Variants in IGSF5 observed in about 807,000 individuals in gnomAD.
The protein encoded by IGSF5 is immunoglobulin superfamily 5 like.
IGSF5 carries 41 observed loss-of-function variants against 39.4 expected under a neutral mutation model. The ratio of observed to expected loss-of-function variants is 1.04; its 90% confidence interval spans 0.81 to 1.35. The LOEUF is 1.35. IGSF5 is among the 40% of genes most tolerant of loss of function. IGSF5 has a pLI of 0.00. For missense variants in IGSF5, 487 were observed against 494.6 expected (o/e 0.98, Z 0.15); for synonymous variants, 183 against 175.3 (o/e 1.04, Z -0.34).
chr21:39,778,962 T>G (rs1352288570), intron 4 of IGSF5, 128 bp from the exon 5 acceptor site: 3 of 1,080,918 alleles, frequency 2.8e-6, no homozygotes, highest in Non-Finnish European at 1.3e-6. Context: ...ACTTGGCCTA[T>G]GACGCCTAGC....
At chr21:39,782,707 T>C (rs1293518619) in intron 5 of IGSF5, among the ~76,000 whole-genome samples, 1 of 152,202 alleles carries the variant, frequency 6.6e-6, no homozygotes, top group African/African-American at 2.4e-5. Context: ...ATCTCAAACA[T>C]TTATCATTTC....
Position 39,779,218 on chromosome 21 carries a change from C to A in IGSF5, c.847C>A (p.Leu283Ile). 1 of 1,614,130 alleles carries A rather than the reference C, an allele frequency of 6.2e-7. No individual in the cohort carries two copies. Among genetic ancestry groups the A allele is most frequent in the East Asian group, 2.2e-5 (1 of 44,876 alleles). The change falls in exon 5 of 9, where the codon CTT becomes ATT. Residue 283 changes from leucine (L) to isoleucine (I), a missense_variant. Coordinates refer to ENST00000380588, the MANE Select transcript of IGSF5 (RefSeq NM_001080444.2). ...CATGCTTCTGACGCCGACGTGTACT[C>A]TTACAATACGCTGCTGCTGCTGCCG... is the stretch of plus-strand genomic sequence containing the variant. ...GTMLLTPTCT[L>I]TIRCCCCRRR...
chr21:39,739,916 T>A, the IGSF5 span, among the ~76,000 whole-genome samples: 20,321 of 152,198 alleles, frequency 0.13, 1,412 homozygotes, highest in Middle Eastern at 0.2. Flanking sequence ...GATACTTCTT[T>A]GGCACACTTT....
rs1341926780 is a variant in IGSF5, at chr21:39,746,260, C to T, written c.62C>T (p.Ala21Val). 25 of 701,460 alleles carry T rather than the reference C, an allele frequency of 3.6e-5. No individual in the cohort carries two copies. The highest frequency in any genetic ancestry group is 5.5e-5 in the Non-Finnish European group (21 of 384,724). The allele number at this position is 701,460 out of a possible 1,614,324, so 43.5% of individuals were successfully genotyped here. A position where few individuals can be genotyped will look rare whatever the true frequency, so the allele number is the denominator to read the frequency against. ...CCGGATCTGGAGGAATGGAAGTCAG[C>T]GGCGGGTCTGCGATGGTGGCAAACA... is the stretch of plus-strand genomic sequence containing the variant. ...TLPDLEEWKS[A>V]AGLRWWQTAV... is the part of the protein sequence containing the mutation. Residue 21 changes from alanine (A) to valine (V), a missense_variant, in exon 2 of 9, where the codon GCG becomes GTG. By Grantham distance (64) the Ala-to-Val change is moderately conservative. Transcript: ENST00000380588.
chr21:39,716,959 C>A, the IGSF5 span, among the ~76,000 whole-genome samples: 1 of 152,188 alleles, frequency 6.6e-6, no homozygotes, highest in Admixed American at 6.5e-5. Context: ...ATTTACACTC[C>A]CACTAACAGT....
intron 4 of IGSF5, 147 bp from the exon 5 acceptor site, chr21:39,778,943 T>C (rs1569255595): frequency 2.4e-6 from 2 of 830,894 alleles, no homozygotes; most frequent in East Asian, 5.3e-5. Flanking sequence ...ATTAAACACA[T>C]TGAAAGAAAC....
intron 6 of IGSF5, among the ~76,000 whole-genome samples, 200 bp downstream of exon 6, chr21:39,788,388 A>T (rs979213034): frequency 1.3e-5 from 2 of 152,214 alleles, no homozygotes; most frequent in Non-Finnish European, 2.9e-5. Flanking sequence ...GGGATGAAAC[A>T]GATGGGTTGC....
intron 4 of IGSF5, among the ~76,000 whole-genome samples, chr21:39,777,894 T>C (rs2080148972): frequency 6.6e-6 from 1 of 152,178 alleles, no homozygotes; most frequent in Admixed American, 6.5e-5. Context: ...TGAACTCCAG[T>C]CTGTGGTTCC....
At chr21:39,782,424 A>G (rs1325805407) in intron 5 of IGSF5, among the ~76,000 whole-genome samples, 2 of 152,192 alleles carry the variant, frequency 1.3e-5, no homozygotes, top group Non-Finnish European at 2.9e-5. Flanking sequence ...AAATACATTT[A>G]CACTTTTATG....
chr21:39,767,128 T>G (rs1051470634), intron 3 of IGSF5, among the ~76,000 whole-genome samples: 1 of 152,322 alleles, frequency 6.6e-6, no homozygotes. Context: ...ACCAGATTCT[T>G]ATTATGATAA....
chr21:39,752,989 A>T (rs538785667), intron 2 of IGSF5, among the ~76,000 whole-genome samples: 1 of 152,228 alleles, frequency 6.6e-6, no homozygotes, highest in South Asian at 2.1e-4. Flanking sequence ...TGCTGTGCAG[A>T]AGCTTTTTAG....
At chr21:39,793,764 A>G (rs992120405) in intron 8 of IGSF5, 151 bp downstream of exon 8, 1 of 656,082 alleles carries the variant, frequency 1.5e-6, no homozygotes, top group Non-Finnish European at 2.7e-6. Flanking sequence ...GTCAGCATGG[A>G]GAGATGGGGC....
chr21:39,760,892 T>C (rs945444677), intron 2 of IGSF5, among the ~76,000 whole-genome samples: 1 of 152,112 alleles, frequency 6.6e-6, no homozygotes, highest in African/African-American at 2.4e-5. Context: ...AATATGATAA[T>C]GTTAAGGATT....
chr21:39,770,105 CA>C (rs2080106655), intron 3 of IGSF5, among the ~76,000 whole-genome samples: 1 of 152,048 alleles, frequency 6.6e-6, no homozygotes, highest in Non-Finnish European at 1.5e-5. Context: ...TTGTGTAGTC[CA>C]GAGTTTCAGC....
intron 2 of IGSF5, among the ~76,000 whole-genome samples, chr21:39,761,698 T>C (rs962742484): frequency 6.6e-6 from 1 of 152,206 alleles, no homozygotes; most frequent in African/African-American, 2.4e-5. Flanking sequence ...AGACAGAGTC[T>C]TGCTCTGTCG....
intron 5 of IGSF5, among the ~76,000 whole-genome samples, chr21:39,785,347 G>C (rs1199382469): frequency 6.6e-6 from 1 of 152,144 alleles, no homozygotes; most frequent in Non-Finnish European, 1.5e-5. Flanking sequence ...TGTCAGGTTT[G>C]TCAAAGATCA....
chr21:39,784,766 T>G (rs1484894074), intron 5 of IGSF5, among the ~76,000 whole-genome samples: 1 of 152,202 alleles, frequency 6.6e-6, no homozygotes, highest in African/African-American at 2.4e-5. Flanking sequence ...AAGGTCTGGA[T>G]TTCTCTATGA....
the IGSF5 span, among the ~76,000 whole-genome samples, chr21:39,728,546 A>G: frequency 6.6e-5 from 10 of 152,192 alleles, no homozygotes; most frequent in Non-Finnish European, 1.5e-4. Context: ...CTGTTGTTTG[A>G]GCTGCCCAGT....
chr21:39,748,976 T>C (rs915934110), intron 2 of IGSF5, among the ~76,000 whole-genome samples: 13 of 152,150 alleles, frequency 8.5e-5, no homozygotes, highest in Non-Finnish European at 1.9e-4. Context: ...TTAACTTTTC[T>C]GCTATCTTCT....
Sources: allele counts gnomAD v4.1 joint callset (sites outside exome capture counted in the v4.1 genomes callset), GRCh38; gene constraint gnomAD v4.1.1; transcripts MANE v1.5; gene names NCBI Gene and HGNC (gene_info 2026-07-23, HGNC 2026-07-21).